The following R3HDM2 variants were observed in gnomAD, a reference collection of about 807,000 sequenced individuals.
R3HDM2 encodes R3H domain-containing protein 2.
A neutral mutation model predicts 124.5 loss-of-function variants in R3HDM2; 38 were observed. The observed-to-expected ratio is 0.31, with a 90% CI of 0.24 to 0.40. R3HDM2 has a LOEUF of 0.40. R3HDM2 is among the 10% of genes least tolerant of loss of function. R3HDM2 has a pLI of 1.00. For synonymous variants in R3HDM2, 391 were observed against 448.0 expected (o/e 0.87, Z 1.61); for missense variants, 869 against 1,236.9 (o/e 0.70, Z 4.46).
At chr12:57,283,001 G>T (rs1187486639) in intron 13 of R3HDM2, among the ~76,000 whole-genome samples, 1 of 152,186 alleles carries the variant, frequency 6.6e-6, no homozygotes, top group African/African-American at 2.4e-5. Flanking sequence ...GAGCTGATGG[G>T]TGGTTACAGA....
At chr12:57,387,847 T>C (rs1454806993) in intron 2 of R3HDM2, among the ~76,000 whole-genome samples, 2 of 151,932 alleles carry the variant, frequency 1.3e-5, no homozygotes, top group African/African-American at 4.8e-5. Flanking sequence ...AAACTGAGAG[T>C]AGTTGAAACC....
intron 2 of R3HDM2, among the ~76,000 whole-genome samples, chr12:57,359,620 C>T (rs758654568): frequency 9.2e-5 from 14 of 152,062 alleles, no homozygotes; most frequent in African/African-American, 3.1e-4. Context: ...GCGGCTGGGT[C>T]GTGCTTTTAG....
chr12:57,396,686 G>C (rs960322469), intron 1 of R3HDM2, among the ~76,000 whole-genome samples: 3 of 149,662 alleles, frequency 2.0e-5, no homozygotes, highest in African/African-American at 7.4e-5. Flanking sequence ...GGCTGAGCCA[G>C]AGAATTGCTT....
intron 2 of R3HDM2, among the ~76,000 whole-genome samples, chr12:57,374,560 G>A (rs2063782911): frequency 6.6e-6 from 1 of 151,256 alleles, no homozygotes; most frequent in South Asian, 2.1e-4. Flanking sequence ...GCAGGTATCT[G>A]TAATCCCAGC....
intron 11 of R3HDM2, among the ~76,000 whole-genome samples, chr12:57,291,657 A>AC (rs2048638968): frequency 6.6e-6 from 1 of 151,220 alleles, no homozygotes; most frequent in South Asian, 2.1e-4. Context: ...CTATCTAAAA[A>AC]AAAAAAAACA....
intron 1 of R3HDM2, among the ~76,000 whole-genome samples, chr12:57,420,906 G>A (rs1200016659): frequency 6.6e-6 from 1 of 152,146 alleles, no homozygotes; most frequent in Non-Finnish European, 1.5e-5. Context: ...CAACTACCTA[G>A]CAGGCATTTC....
chr12:57,321,739 C>T (rs924984783), intron 2 of R3HDM2, among the ~76,000 whole-genome samples: 2 of 152,118 alleles, frequency 1.3e-5, no homozygotes, highest in Non-Finnish European at 2.9e-5. Context: ...CTCCCCACCC[C>T]CTGCCACCAG....
intron 1 of R3HDM2, among the ~76,000 whole-genome samples, chr12:57,410,602 C>T (rs536727485): frequency 9.9e-5 from 15 of 152,236 alleles, no homozygotes; most frequent in African/African-American, 2.6e-4. Flanking sequence ...CCTATAATTC[C>T]GACACTTTGA....
At chr12:57,424,269 T>A (rs1231320824) in intron 1 of R3HDM2, among the ~76,000 whole-genome samples, 2 of 151,746 alleles carry the variant, frequency 1.3e-5, no homozygotes, top group Non-Finnish European at 2.9e-5. Context: ...GCAATTCTCG[T>A]GCCTCAGCCT....
At chr12:57,383,892 A>G (rs944994844) in intron 2 of R3HDM2, among the ~76,000 whole-genome samples, 1 of 152,144 alleles carries the variant, frequency 6.6e-6, no homozygotes, top group Admixed American at 6.6e-5. Context: ...TTCCAAAAAA[A>G]TAAAATTCCC....
chr12:57,308,585 C>G (rs1301514492), intron 3 of R3HDM2, among the ~76,000 whole-genome samples: 1 of 151,872 alleles, frequency 6.6e-6, no homozygotes, highest in South Asian at 2.1e-4. Context: ...ACTCGGGAGG[C>G]TGAGGCAGGA....
intron 2 of R3HDM2, among the ~76,000 whole-genome samples, chr12:57,329,749 A>AAAAAG (rs1555264160): frequency 6.7e-6 from 1 of 150,256 alleles, no homozygotes; most frequent in African/African-American, 2.4e-5. Context: ...CCGTCTCAAA[A>AAAAAG]AAAAAGAAAA....
intron 1 of R3HDM2, among the ~76,000 whole-genome samples, chr12:57,406,147 C>A (rs1015330372): frequency 6.6e-5 from 10 of 151,898 alleles, no homozygotes; most frequent in Non-Finnish European, 1.2e-4. Context: ...CATGGTGAAA[C>A]CCCATTTCTA....
intron 7 of R3HDM2, 112 bp downstream of exon 7, chr12:57,297,978 G>A: frequency 1.3e-6 from 1 of 749,880 alleles, no homozygotes; most frequent in Non-Finnish European, 2.4e-6. Flanking sequence ...AGGGGGACAG[G>A]AAGATGAGCA....
intron 2 of R3HDM2, among the ~76,000 whole-genome samples, chr12:57,342,713 C>T (rs576929716): frequency 1.3e-5 from 2 of 152,210 alleles, no homozygotes; most frequent in Non-Finnish European, 2.9e-5. Flanking sequence ...ATTAAAAGCT[C>T]ACCTTTAAAT....
chr12:57,290,913 G>A (rs758083288), intron 11 of R3HDM2, among the ~76,000 whole-genome samples: 1 of 152,044 alleles, frequency 6.6e-6, no homozygotes, highest in Non-Finnish European at 1.5e-5. Flanking sequence ...TGCCCAACCA[G>A]TACTTGCTGC....
At chr12:57,367,772 G>A (rs1357148378) in intron 2 of R3HDM2, among the ~76,000 whole-genome samples, 4 of 151,998 alleles carry the variant, frequency 2.6e-5, no homozygotes, top group South Asian at 2.1e-4. Context: ...TTCCTGTTAC[G>A]CAGCTATCAC....
intron 2 of R3HDM2, among the ~76,000 whole-genome samples, chr12:57,364,944 C>T (rs2062432705): frequency 1.6e-5 from 2 of 126,076 alleles, no homozygotes; most frequent in Admixed American, 8.5e-5. Flanking sequence ...CAGAGTGAGA[C>T]TCCATCTCAA....
chr12:57,410,339 A>C (rs992835858), intron 1 of R3HDM2, among the ~76,000 whole-genome samples: 3 of 151,672 alleles, frequency 2.0e-5, no homozygotes, highest in Non-Finnish European at 4.4e-5. Flanking sequence ...AAAAAAAAAA[A>C]AAACTTCACA....
Sources: allele counts gnomAD v4.1 joint callset (sites outside exome capture counted in the v4.1 genomes callset), GRCh38; gene constraint gnomAD v4.1.1; transcripts MANE v1.5; gene names NCBI Gene and HGNC (gene_info 2026-07-23, HGNC 2026-07-21).